The following ASTN2 variants were observed in gnomAD, a reference collection of about 807,000 sequenced individuals.
ASTN2 encodes astrotactin 2.
ASTN2 carries 54 observed loss-of-function variants against 139.8 expected under a neutral mutation model. The observed-to-expected ratio is 0.39, with a 90% CI of 0.31 to 0.48. The LOEUF (loss-of-function observed/expected upper bound fraction) is 0.48. ASTN2 is among the 20% of genes least tolerant of loss of function. The probability of loss-of-function intolerance (pLI) is 0.95; values close to 1 mark genes in which losing one functional copy is unlikely to be tolerated. For synonymous variants in ASTN2, 756 were observed against 719.5 expected (o/e 1.05, Z -0.81); for missense variants, 1,565 against 1,725.1 (o/e 0.91, Z 1.64).
At position 116,673,370 on chromosome 9, in the gene ASTN2, G is replaced by A. The variant is rs376964831; in HGVS notation, c.2807-21577C>T. Among the ~76,000 whole-genome samples, 252 of 152,096 alleles carry A rather than the reference G, an allele frequency of 1.7e-3. 7 individuals are homozygous for A. The South Asian group carries it at 0.046, about 27-fold the overall frequency. ...TAACTATTGTTATCCCTATTTTAAA[G>A]ACAATGAAAGAAAACTAGAGATCTT... On this transcript the variant is annotated intron_variant, in intron 16 of 22. Transcript: ENST00000313400.
chr9:117,013,515 G>A (rs1052141558), intron 6 of ASTN2, among the ~76,000 whole-genome samples: 10 of 149,474 alleles, frequency 6.7e-5, no homozygotes, highest in African/African-American at 1.7e-4. Flanking sequence ...TTACTTGTGG[G>A]AATATACATC....
At chr9:117,183,011 C>T (rs549840557) in intron 3 of ASTN2, among the ~76,000 whole-genome samples, 75 of 152,300 alleles carry the variant, frequency 4.9e-4, no homozygotes, top group East Asian at 3.7e-3. Flanking sequence ...TTTGGTTGAA[C>T]GCTACATACC....
intron 2 of ASTN2, among the ~76,000 whole-genome samples, chr9:117,249,133 G>A (rs924082356): frequency 6.6e-6 from 1 of 152,168 alleles, no homozygotes; most frequent in Non-Finnish European, 1.5e-5. Context: ...ACATAGCTGT[G>A]GCTTGATAAC....
chr9:117,154,660 A>C (rs960812228), intron 3 of ASTN2, among the ~76,000 whole-genome samples: 5 of 152,118 alleles, frequency 3.3e-5, no homozygotes, highest in African/African-American at 1.2e-4. Flanking sequence ...TAAACAGTAT[A>C]CATACAAAAG....
At chr9:117,237,803 A>C (rs1833089429) in intron 2 of ASTN2, among the ~76,000 whole-genome samples, 1 of 152,154 alleles carries the variant, frequency 6.6e-6, no homozygotes, top group Non-Finnish European at 1.5e-5. Context: ...CCTGTGTGCC[A>C]TGTGTGCCAT....
intron 2 of ASTN2, among the ~76,000 whole-genome samples, chr9:117,257,763 G>A (rs1319531361): frequency 1.3e-5 from 2 of 152,152 alleles, no homozygotes; most frequent in African/African-American, 4.8e-5. Context: ...GGAGAAATGA[G>A]GGGCAAAACA....
chr9:116,598,361 C>T (rs1453370256), intron 19 of ASTN2, among the ~76,000 whole-genome samples: 1 of 152,114 alleles, frequency 6.6e-6, no homozygotes, highest in African/African-American at 2.4e-5. Context: ...ATGTGTCGGC[C>T]ATAACTTGCC....
intron 5 of ASTN2, among the ~76,000 whole-genome samples, chr9:117,081,600 T>C (rs1162116378): frequency 6.6e-6 from 1 of 152,154 alleles, no homozygotes; most frequent in Non-Finnish European, 1.5e-5. Flanking sequence ...GTACTAAAGG[T>C]CTCAAATAAG....
chr9:117,362,847 C>T lies in ASTN2; in HGVS notation c.442+51650G>A, dbSNP rs923620243. ...CTCTCACTCTGGCCCCACTCTCGTGCCACAGTAAAAACCCACACCAGTCTC... is the reference window on the plus strand; with the variant it reads ...CTCTCACTCTGGCCCCACTCTCGTGTCACAGTAAAAACCCACACCAGTCTC... On this transcript the variant is annotated intron_variant, in intron 1 of 22. Coordinates refer to ENST00000313400, the MANE Select transcript of ASTN2 (RefSeq NM_001365068.1). Among the ~76,000 whole-genome samples the T allele has an allele frequency of 1.8e-4, 27 of 152,100 alleles. 1 individual carries two copies. Among genetic ancestry groups the T allele is most frequent in the African/African-American group, 6.5e-4 (27 of 41,412 alleles).
intron 3 of ASTN2, among the ~76,000 whole-genome samples, chr9:117,205,528 T>C (rs1426702443): frequency 1.3e-5 from 2 of 152,014 alleles, no homozygotes; most frequent in African/African-American, 4.8e-5. Context: ...TATACTCTCA[T>C]CTACATTATC....
chr9:116,935,839 A>G (rs548387852), intron 10 of ASTN2, among the ~76,000 whole-genome samples: 2 of 152,236 alleles, frequency 1.3e-5, no homozygotes, highest in African/African-American at 4.8e-5. Context: ...TGTTTCAGGC[A>G]CCGTTATCAC....
At chr9:117,297,913 A>C (rs1481267839) in intron 1 of ASTN2, among the ~76,000 whole-genome samples, 1 of 152,224 alleles carries the variant, frequency 6.6e-6, no homozygotes, top group Non-Finnish European at 1.5e-5. Flanking sequence ...ACGCCCAAGA[A>C]TGCTTAAATG....
chr9:117,320,877 T>C (rs567699165), intron 1 of ASTN2, among the ~76,000 whole-genome samples: 1 of 152,264 alleles, frequency 6.6e-6, no homozygotes, highest in South Asian at 2.1e-4. Context: ...CTGGGACAAA[T>C]GTGATGGCAC....
At chr9:116,855,877 C>G (rs1430395335) in intron 11 of ASTN2, among the ~76,000 whole-genome samples, 1 of 152,164 alleles carries the variant, frequency 6.6e-6, no homozygotes, top group Non-Finnish European at 1.5e-5. Context: ...GAAATGTTCT[C>G]TCTATATATC....
chr9:116,553,721 C>T (rs1317480505), intron 19 of ASTN2, among the ~76,000 whole-genome samples: 2 of 152,168 alleles, frequency 1.3e-5, no homozygotes, highest in African/African-American at 4.8e-5. Context: ...ACAGCACTTA[C>T]CTAGCACACC....
At chr9:117,289,606 G>A (rs1186048091) in intron 2 of ASTN2, among the ~76,000 whole-genome samples, 1 of 152,170 alleles carries the variant, frequency 6.6e-6, no homozygotes, top group African/African-American at 2.4e-5. Context: ...GGTCAAAATT[G>A]AGTCTCACTC....
intron 5 of ASTN2, among the ~76,000 whole-genome samples, chr9:117,043,933 A>C (rs1312086503): frequency 6.6e-6 from 1 of 151,898 alleles, no homozygotes; most frequent in Non-Finnish European, 1.5e-5. Flanking sequence ...AGAAAAGAAA[A>C]GAAAAAAGAA....
rs1847241304 is a variant in ASTN2, at chr9:116,423,785, C to T, written c.*2066G>A. On this transcript the variant is annotated 3_prime_UTR_variant, in exon 23 of 23. Coordinates refer to ENST00000313400, the MANE Select transcript of ASTN2 (RefSeq NM_001365068.1). ...GTTTTCTTTTGTGTTACCCATTTTCCCCATATGGATTGAAGTCCTGGGGAA... is the reference window on the plus strand; with the variant it reads ...GTTTTCTTTTGTGTTACCCATTTTCTCCATATGGATTGAAGTCCTGGGGAA... Among the ~76,000 whole-genome samples the T allele has an allele frequency of 3.3e-5, 5 of 152,172 alleles. No individual in the cohort carries two copies. The highest frequency in any genetic ancestry group is 3.3e-4 in the Admixed American group (5 of 15,290).
chr9:117,057,426 C>T (rs1161448547), intron 5 of ASTN2, among the ~76,000 whole-genome samples: 2 of 152,138 alleles, frequency 1.3e-5, no homozygotes, highest in Admixed American at 6.5e-5. Context: ...GCTACACACA[C>T]CTGGCGCTTC....
Sources: allele counts gnomAD v4.1 joint callset (sites outside exome capture counted in the v4.1 genomes callset), GRCh38; gene constraint gnomAD v4.1.1; transcripts MANE v1.5; gene names NCBI Gene and HGNC (gene_info 2026-07-23, HGNC 2026-07-21).